TMPRSS11E: variants seen among roughly 807,000 people sequenced by gnomAD.
TMPRSS11E encodes the protein transmembrane protease serine 11E.
A neutral mutation model predicts 48.1 loss-of-function variants in TMPRSS11E; 38 were observed. That is an observed-to-expected ratio of 0.79 (90% confidence interval 0.61 to 1.04). The LOEUF (loss-of-function observed/expected upper bound fraction) is 1.04, where lower values mean the gene tolerates loss of function less well. TMPRSS11E is among the 50% of genes least tolerant of loss of function. TMPRSS11E has a pLI of 0.00. For synonymous variants in TMPRSS11E, 158 were observed against 171.9 expected (o/e 0.92, Z 0.63); for missense variants, 530 against 510.8 (o/e 1.04, Z -0.36).
chr4:68,480,444 TATC>T (rs1270580820), intron 9 of TMPRSS11E, among the ~76,000 whole-genome samples: 2 of 152,066 alleles, frequency 1.3e-5, no homozygotes, highest in Admixed American at 1.3e-4. Flanking sequence ...GAATTTTGCT[TATC>T]ATATTTTTTA....
chr4:68,456,051 G>C (rs1273849365), intron 1 of TMPRSS11E, among the ~76,000 whole-genome samples: 1 of 151,906 alleles, frequency 6.6e-6, no homozygotes, highest in African/African-American at 2.4e-5. Context: ...CACCTGTGCT[G>C]TACCATATTT....
intron 6 of TMPRSS11E, 52 bp from the exon 7 acceptor site, chr4:68,476,209 A>G: frequency 6.2e-7 from 1 of 1,610,836 alleles, no homozygotes; most frequent in African/African-American, 1.3e-5. Flanking sequence ...GATGTGCAAA[A>G]CAACTGCTAA....
chr4:68,467,929 A>G (rs1728968392), intron 3 of TMPRSS11E, among the ~76,000 whole-genome samples: 1 of 152,144 alleles, frequency 6.6e-6, no homozygotes, highest in Admixed American at 6.6e-5. Flanking sequence ...TAAAATCCAG[A>G]CAGATTTAAA....
At position 68,478,910 on chromosome 4, in the gene TMPRSS11E, T is replaced by C. The variant is rs781429833; in HGVS notation, c.1029T>C (p.Asn343=). The stretch of plus-strand genomic sequence containing the variant: ...CTCTCATAGACGCTACAACTTGCAA[T>C]GAACCTCAAGCTTACAATGACGCCA... ...QVTLIDATTC[N]EPQAYNDAIT... The change falls in exon 9 of 10, where the codon AAT becomes AAC. Residue 343 remains asparagine, a synonymous_variant. Coordinates refer to ENST00000305363, the MANE Select transcript of TMPRSS11E (RefSeq NM_014058.4). 1 of 1,614,118 alleles carries C rather than the reference T, an allele frequency of 6.2e-7. No individual in the cohort carries two copies. Among genetic ancestry groups the C allele is most frequent in the Admixed American group, 1.7e-5 (1 of 60,020 alleles).
intron 9 of TMPRSS11E, among the ~76,000 whole-genome samples, chr4:68,491,440 A>AT (rs1251853471): frequency 4.4e-4 from 66 of 151,184 alleles, no homozygotes; most frequent in African/African-American, 1.2e-3. Context: ...ATGCCCAGGT[A>AT]TTTTTTTGTT....
chr4:68,471,455 C>G lies in TMPRSS11E; in HGVS notation c.327-5C>G. The G allele has an allele frequency of 7.4e-7, 1 of 1,347,988 alleles. No homozygotes were observed. The highest frequency in any genetic ancestry group is 9.7e-7 in the Non-Finnish European group (1 of 1,032,504). 83.5% of individuals were successfully genotyped at this position (1,347,988 alleles called of 1,614,324 possible). On this transcript the variant is annotated splice_polypyrimidine_tract_variant and splice_region_variant and intron_variant, in intron 4 of 9. Transcript: ENST00000305363. ...TCTTTCATTTTCTTCTTTTTTGGCC[C>G]ACAGTCAACAGAAGCATGGAGTGTT...
At chr4:68,479,015 G>T (rs2603180) in intron 9 of TMPRSS11E, 24 bp downstream of exon 9, 1,072,004 of 1,610,426 alleles carry the variant, frequency 0.67, 359,258 homozygotes, top group East Asian at 0.85. Flanking sequence ...CCCATTAGTA[G>T]GTTGTGTAAT....
chr4:68,466,547 C>T lies in TMPRSS11E; in HGVS notation c.137-84C>T. 2.0e-6 allele frequency: 3 copies of T among 1,476,436 alleles called. No individual in the cohort carries two copies. The Admixed American group carries it at 5.9e-5, about 29-fold the overall frequency. The allele number at this position is 1,476,436 out of a possible 1,614,324, so 91.5% of individuals were successfully genotyped here. A position where few individuals can be genotyped will look rare whatever the true frequency, so the allele number is the denominator to read the frequency against. ...GAGCATTCCTTCCTGTTTCAGTCTTCCAGCAACCACCAAGCGGGGATATAA... is the reference window on the plus strand; with the variant it reads ...GAGCATTCCTTCCTGTTTCAGTCTTTCAGCAACCACCAAGCGGGGATATAA... On this transcript the variant is annotated intron_variant, in intron 2 of 9. Coordinates refer to ENST00000305363, the MANE Select transcript of TMPRSS11E (RefSeq NM_014058.4).
chr4:68,491,788 G>A lies in TMPRSS11E; in HGVS notation c.1111-4855G>A, dbSNP rs1729730591. 2.0e-5 allele frequency among the ~76,000 whole-genome samples: 3 copies of A among 152,070 alleles called. 1 individual carries two copies. The highest frequency in any genetic ancestry group is 7.2e-5 in the African/African-American group (3 of 41,408). On this transcript the variant is annotated intron_variant, in intron 9 of 9. Coordinates refer to ENST00000305363, the MANE Select transcript of TMPRSS11E (RefSeq NM_014058.4). ...TGTTACTCTGTGTGCTTTCTAATCT[G>A]TATTCATAAAATGGTACCATTAATT...
chr4:68,452,523 T>C (rs1728527761), intron 1 of TMPRSS11E, among the ~76,000 whole-genome samples: 4 of 151,934 alleles, frequency 2.6e-5, no homozygotes, highest in Admixed American at 2.6e-4. Flanking sequence ...TTAGGAAGAC[T>C]GAGACTTCCA....
chr4:68,490,306 T>C lies in TMPRSS11E; in HGVS notation c.1111-6337T>C, dbSNP rs559778755. ...GGGAGAAGGTCTTCTTGTCTGCGTC[T>C]GGTCGGCCATTTTGTTTTAGTATTT... is the stretch of plus-strand genomic sequence containing the variant. On this transcript the variant is annotated intron_variant, in intron 9 of 9. Coordinates refer to ENST00000305363, the MANE Select transcript of TMPRSS11E (RefSeq NM_014058.4). Among the ~76,000 whole-genome samples the C allele has an allele frequency of 7.9e-5, 12 of 152,338 alleles. No homozygotes were observed. The South Asian group carries it at 2.3e-3, about 29-fold the overall frequency.
chr4:68,478,697 C>T (rs573115696), intron 8 of TMPRSS11E, 152 bp from the exon 9 acceptor site: 2 of 762,796 alleles, frequency 2.6e-6, no homozygotes, highest in African/African-American at 1.8e-5. Context: ...TCAAGCGATC[C>T]TCCAATCTCG....
chr4:68,478,948 T>C lies in TMPRSS11E; in HGVS notation c.1067T>C (p.Met356Thr), dbSNP rs1237946441. ...TACAATGACGCCATAACTCCTAGAA[T>C]GTTATGTGCTGGCTCCTTAGAAGGA... ...QAYNDAITPR[M>T]LCAGSLEGKT... Residue 356 changes from methionine to threonine, a missense_variant, in exon 9 of 10, where the codon ATG becomes ACG. By Grantham distance (81) the Met-to-Thr change is moderately conservative (BLOSUM62 -1). Transcript: ENST00000305363. 3.1e-6 allele frequency: 5 copies of C among 1,613,986 alleles called. No individual in the cohort carries two copies. The highest frequency in any genetic ancestry group is 1.7e-5 in the Admixed American group (1 of 59,986).
intron 4 of TMPRSS11E, among the ~76,000 whole-genome samples, chr4:68,469,474 T>C (rs1275046504): frequency 1.3e-5 from 2 of 152,020 alleles, no homozygotes; most frequent in African/African-American, 4.8e-5. Context: ...ATTGACATAA[T>C]ACAAATTATT....
intron 2 of TMPRSS11E, among the ~76,000 whole-genome samples, chr4:68,463,499 C>T (rs1728848945): frequency 6.6e-6 from 1 of 152,158 alleles, no homozygotes; most frequent in Non-Finnish European, 1.5e-5. Context: ...GACAGGGTTT[C>T]ACCATGTTCG....
rs1729635691 is a variant in TMPRSS11E at position 68,488,807 on chromosome 4, T to C, written c.1111-7836T>C. 2.6e-5 allele frequency among the ~76,000 whole-genome samples: 4 copies of C among 152,250 alleles called. No individual in the cohort carries two copies. In the South Asian group the frequency reaches 8.3e-4, roughly 31 times the overall value. ...ACCCACCTTCGGCCTCCCAAAGTGC[T>C]GGGATTACAGGCGTGAGCCACCGCG... On this transcript the variant is annotated intron_variant, in intron 9 of 9. Transcript: ENST00000305363.
intron 9 of TMPRSS11E, among the ~76,000 whole-genome samples, chr4:68,490,741 T>A (rs1729692239): frequency 7.3e-6 from 1 of 137,106 alleles, no homozygotes; most frequent in Non-Finnish European, 1.5e-5. Flanking sequence ...TGCTTCCCAC[T>A]CAGCATATTC....
At chr4:68,489,334 C>A (rs1729651139) in intron 9 of TMPRSS11E, among the ~76,000 whole-genome samples, 1 of 152,118 alleles carries the variant, frequency 6.6e-6, no homozygotes, top group East Asian at 1.9e-4. Flanking sequence ...TTAAGTACCT[C>A]CTGGGTTGGA....
intron 9 of TMPRSS11E, among the ~76,000 whole-genome samples, chr4:68,495,822 GT>G (rs1375949837): frequency 6.6e-6 from 1 of 151,976 alleles, no homozygotes; most frequent in South Asian, 2.1e-4. Flanking sequence ...CTAGTTCTAT[GT>G]TTTTTGTAAA....
Sources: gnomAD v4.1 joint callset for allele counts (sites outside exome capture counted in the v4.1 genomes callset) on GRCh38, gnomAD v4.1.1 for gene constraint, MANE v1.5 for transcripts, NCBI Gene and HGNC (gene_info 2026-07-23, HGNC 2026-07-21) for gene names.